PIWIL2: variants seen among roughly 807,000 people sequenced by gnomAD.
The protein encoded by PIWIL2 is piwi-like protein 2.
Under a neutral mutation model 116.5 loss-of-function variants are expected in PIWIL2, and 81 were observed. The observed-to-expected ratio is 0.70, with a 90% CI of 0.58 to 0.84. PIWIL2 has a LOEUF of 0.84. PIWIL2 is among the 40% of genes least tolerant of loss of function. The pLI is 0.00. For synonymous variants in PIWIL2, 489 were observed against 429.5 expected, an observed-to-expected ratio of 1.14 and a Z score of -1.71; for missense variants, 1,272 against 1,212.3, an observed-to-expected ratio of 1.05 and a Z score of -0.73.
At position 22,356,071 on chromosome 8, in the gene PIWIL2, C is replaced by CA. The variant is rs10710520; in HGVS notation, c.*583dup. 0.025 allele frequency: 2,117 copies of CA among 84,230 alleles called. 30 individuals are homozygous for CA. Among genetic ancestry groups the CA allele is most frequent in the South Asian group, 0.094 (236 of 2,500 alleles). The allele number at this position is 84,230 out of a possible 1,614,324, so 5.2% of individuals were successfully genotyped here. On this transcript the variant is annotated 3_prime_UTR_variant, in exon 23 of 23. Coordinates refer to ENST00000356766, the MANE Select transcript of PIWIL2 (RefSeq NM_018068.5). ...CTGTTGACAAAGCAAGACTCTGTCT[C>CA]AAAAAAAAAAAAAAAAAGCCAACAT...
Position 22,310,048 on chromosome 8 carries a change from G to A in PIWIL2, c.1774G>A (p.Val592Ile). Residue 592 changes from valine to isoleucine, a missense_variant, in exon 15 of 23, where the codon GTA becomes ATA. Coordinates refer to ENST00000356766, the MANE Select transcript of PIWIL2 (RefSeq NM_018068.5). ...TSQELNWVKE[V>I]TRDPSILTIP... ...TCAGGAACTAAACTGGGTTAAGGAAGTAACCAGAGACCCTTCCATCTTGAC... is the reference window on the plus strand; with the variant it reads ...TCAGGAACTAAACTGGGTTAAGGAAATAACCAGAGACCCTTCCATCTTGAC... The A allele has an allele frequency of 6.3e-7, 1 of 1,599,374 alleles. No individual in the cohort carries two copies. Among genetic ancestry groups the A allele is most frequent in the Non-Finnish European group, 8.6e-7 (1 of 1,166,584 alleles).
At chr8:22,290,047 A>G (rs1830724031) in intron 9 of PIWIL2, 120 bp downstream of exon 9, 1 of 741,588 alleles carries the variant, frequency 1.3e-6, no homozygotes, top group Non-Finnish European at 2.3e-6. Context: ...ACAGTTTATC[A>G]ATTAAATCTC....
rs571819122 is a variant in PIWIL2 at position 22,330,504 on chromosome 8, C to A, written c.2403+12229C>A. Among the ~76,000 whole-genome samples, 65 of 151,800 alleles carry A rather than the reference C, an allele frequency of 4.3e-4. 1 individual carries two copies. Among genetic ancestry groups the A allele is most frequent in the African/African-American group, 1.6e-3 (65 of 41,426 alleles). On this transcript the variant is annotated intron_variant, in intron 20 of 22. Transcript: ENST00000356766. The stretch of plus-strand genomic sequence containing the variant: ...ACGAGGTCAGGGGTTCGAGACCAGC[C>A]TGACCAACATGGAGAAACCCCATCT...
intron 8 of PIWIL2, among the ~76,000 whole-genome samples, chr8:22,289,048 A>T (rs1830695064): frequency 6.6e-6 from 1 of 152,186 alleles, no homozygotes; most frequent in South Asian, 2.1e-4. Flanking sequence ...TGGATTACAG[A>T]CAGCTCATAA....
chr8:22,276,546 C>T (rs895063817), intron 1 of PIWIL2, among the ~76,000 whole-genome samples: 2 of 152,054 alleles, frequency 1.3e-5, no homozygotes, highest in Non-Finnish European at 2.9e-5. Flanking sequence ...GAACCCCTGA[C>T]CTTGTGATCT....
chr8:22,317,569 G>A (rs1831490723), intron 19 of PIWIL2, among the ~76,000 whole-genome samples: 2 of 152,016 alleles, frequency 1.3e-5, no homozygotes, highest in Non-Finnish European at 2.9e-5. Context: ...TCCTCTCTTG[G>A]TGGATATCTT....
intron 20 of PIWIL2, among the ~76,000 whole-genome samples, chr8:22,345,316 C>T (rs1215624780): frequency 6.6e-6 from 1 of 152,170 alleles, no homozygotes; most frequent in Non-Finnish European, 1.5e-5. Flanking sequence ...CACACAAAAA[C>T]TTATACACAA....
intron 20 of PIWIL2, among the ~76,000 whole-genome samples, chr8:22,327,161 G>T (rs1831744351): frequency 6.7e-6 from 1 of 150,228 alleles, no homozygotes; most frequent in Admixed American, 6.7e-5. Context: ...CTGAGTAGCT[G>T]GGGATTCCAG....
chr8:22,354,858 C>T (rs1161780974), intron 22 of PIWIL2, among the ~76,000 whole-genome samples: 1 of 152,078 alleles, frequency 6.6e-6, no homozygotes, highest in Non-Finnish European at 1.5e-5. Flanking sequence ...TCACCTGAGG[C>T]CAGGAGTTCG....
intron 7 of PIWIL2, among the ~76,000 whole-genome samples, chr8:22,288,160 T>C (rs1162114901): frequency 6.6e-6 from 1 of 152,068 alleles, no homozygotes; most frequent in African/African-American, 2.4e-5. Flanking sequence ...TAGCTGGGCA[T>C]GGTGGCAGGC....
Position 22,307,989 on chromosome 8 carries a change from C to T in PIWIL2, c.1602C>T (p.Cys534=). 6.2e-7 allele frequency: 1 copy of T among 1,613,546 alleles called. No homozygotes were observed. Among genetic ancestry groups the T allele is most frequent in the African/African-American group, 1.3e-5 (1 of 75,034 alleles). Residue 534 remains cysteine, a synonymous_variant, in exon 14 of 23, where the codon TGC becomes TGT. Transcript: ENST00000356766. The part of the protein sequence containing the change: ...SPKQHHSALE[C]LLQRIAKNEA... ...AGCAACACCATAGTGCTTTGGAATG[C>T]TTGCTGCAAAGAATTGCAAAGAACG...
At chr8:22,313,893 T>C (rs919564480) in intron 16 of PIWIL2, among the ~76,000 whole-genome samples, 1 of 152,220 alleles carries the variant, frequency 6.6e-6, no homozygotes, top group Admixed American at 6.5e-5. Context: ...TTTCTTGTAG[T>C]ATTGCATTCC....
At chr8:22,290,194 C>G in intron 9 of PIWIL2, 39 bp from the exon 10 acceptor site, 1 of 1,271,140 alleles carries the variant, frequency 7.9e-7, no homozygotes, top group Non-Finnish European at 1.1e-6. Context: ...TATATGTGTT[C>G]TTTGAAAATC....
rs151076601 is a variant in PIWIL2 at position 22,284,294 on chromosome 8, A to G, written c.743+22A>G. The G allele has an allele frequency of 8.3e-4, 1,034 of 1,246,434 alleles. 6 individuals carry two copies. The African/African-American group carries it at 0.011, about 14-fold the overall frequency. The allele number at this position is 1,246,434 out of a possible 1,614,324, so 77.2% of individuals were successfully genotyped here. A position where few individuals can be genotyped will look rare whatever the true frequency, so the allele number is the denominator to read the frequency against. The stretch of plus-strand genomic sequence containing the variant: ...TCAGGTATTCACAGCTTTCCTTTGT[A>G]TTGTTCACTTCTTAAAGGGCAGTAA... On this transcript the variant is annotated intron_variant, in intron 6 of 22. Transcript: ENST00000356766.
chr8:22,346,216 C>T (rs1346308128), intron 20 of PIWIL2, among the ~76,000 whole-genome samples: 1 of 152,036 alleles, frequency 6.6e-6, no homozygotes, highest in African/African-American at 2.4e-5. Context: ...GCAGTGAGAC[C>T]TTGTCTCTAA....
intron 20 of PIWIL2, among the ~76,000 whole-genome samples, chr8:22,331,989 T>A (rs578243606): frequency 6.6e-6 from 1 of 152,092 alleles, no homozygotes; most frequent in Non-Finnish European, 1.5e-5. Context: ...AGCTTAGATA[T>A]AGCTGAGGCT....
intron 20 of PIWIL2, among the ~76,000 whole-genome samples, 194 bp downstream of exon 20, chr8:22,318,469 C>T (rs1831520230): frequency 6.6e-6 from 1 of 152,114 alleles, no homozygotes; most frequent in Non-Finnish European, 1.5e-5. Context: ...AGGCGTGCAC[C>T]AGCACGTCCA....
intron 20 of PIWIL2, among the ~76,000 whole-genome samples, chr8:22,334,155 A>G (rs1174988013): frequency 2.6e-5 from 4 of 151,718 alleles, no homozygotes; most frequent in Non-Finnish European, 1.5e-5. Context: ...TTGTATTTTT[A>G]GTATAGATGG....
At chr8:22,280,085 G>A (rs1266681506) in intron 2 of PIWIL2, among the ~76,000 whole-genome samples, 1 of 152,156 alleles carries the variant, frequency 6.6e-6, no homozygotes, top group Non-Finnish European at 1.5e-5. Flanking sequence ...GAGGTATGAA[G>A]AAGTACCTCA....
Sources: gnomAD v4.1 joint callset for allele counts (sites outside exome capture counted in the v4.1 genomes callset) on GRCh38, gnomAD v4.1.1 for gene constraint, MANE v1.5 for transcripts, NCBI Gene and HGNC (gene_info 2026-07-23, HGNC 2026-07-21) for gene names.